Variants in ABLIM1 observed in about 807,000 individuals in gnomAD.
ABLIM1 encodes actin binding LIM protein 1.
In ABLIM1, 40 loss-of-function variants were observed where a neutral mutation model predicts 107.0. The observed-to-expected ratio is 0.37, with a 90% CI of 0.29 to 0.49. ABLIM1 has a LOEUF of 0.49. Ranked by LOEUF, ABLIM1 falls within the 20% of genes least tolerant of loss-of-function variation. The probability of loss-of-function intolerance (pLI) is 0.97; values close to 1 mark genes in which losing one functional copy is unlikely to be tolerated. For synonymous variants in ABLIM1, 357 were observed against 357.3 expected (o/e 1.00, Z 0.01); for missense variants, 857 against 1,008.5 (o/e 0.85, Z 2.04).
Position 114,521,453 on chromosome 10 carries a change from C to T in ABLIM1, c.894+23552G>A, listed in dbSNP as rs193283632. Among the ~76,000 whole-genome samples the T allele has an allele frequency of 1.1e-3, 167 of 152,288 alleles. 2 individuals are homozygous for T. The highest frequency in any genetic ancestry group is 2.6e-3 in the Admixed American group (40 of 15,302). On this transcript the variant is annotated intron_variant, in intron 6 of 22. Transcript: ENST00000533213. ...CCATAACCACCTTTATTACACATTCCTGTCCTCAAGAGCTTAGTATGCAGA... is the reference window on the plus strand; with the variant it reads ...CCATAACCACCTTTATTACACATTCTTGTCCTCAAGAGCTTAGTATGCAGA...
rs117272659 is a variant in ABLIM1, at chr10:114,701,382, C to A, written c.-213+66679G>T. Among the ~76,000 whole-genome samples the A allele has an allele frequency of 3.4e-4, 52 of 152,120 alleles. No homozygotes were observed. The East Asian group carries it at 8.3e-3, about 24-fold the overall frequency. ...AATTTTTCTTATTATAAATATACACCTACCCTCCGACCTAGCAATTCCACA... is the reference window on the plus strand; with the variant it reads ...AATTTTTCTTATTATAAATATACACATACCCTCCGACCTAGCAATTCCACA... On this transcript the variant is annotated intron_variant, in intron 1 of 15. Coordinates refer to the ABLIM1 transcript ENST00000651092.
intron 8 of ABLIM1, among the ~76,000 whole-genome samples, chr10:114,483,540 G>A (rs750998583): frequency 5.3e-5 from 8 of 152,240 alleles, no homozygotes; most frequent in Non-Finnish European, 8.8e-5. Context: ...GCCTCCCGAC[G>A]TGCTGGGATT....
chr10:114,766,648 G>A (rs1000351369), intron 1 of ABLIM1, among the ~76,000 whole-genome samples: 14 of 152,252 alleles, frequency 9.2e-5, no homozygotes, highest in Middle Eastern at 3.4e-3. Flanking sequence ...ACAGGTTTGG[G>A]TGCTGTAAAG....
In ABLIM1 at chr10:114,734,151, C is replaced by T. The variant is rs368053052; in HGVS notation, c.-213+33910G>A. On this transcript the variant is annotated intron_variant, in intron 1 of 15. Transcript: ENST00000651092. The stretch of plus-strand genomic sequence containing the variant: ...CTGGGATTATAGGCATGAACCATCA[C>T]GCTTGGCCATGACCTTGCAACTTTA... 8.3e-4 allele frequency among the ~76,000 whole-genome samples: 127 copies of T among 152,188 alleles called. 3 individuals are homozygous for T. In the South Asian group the frequency reaches 0.02, roughly 24 times the overall value.
intron 6 of ABLIM1, among the ~76,000 whole-genome samples, chr10:114,518,459 T>C (rs762503972): frequency 1.3e-5 from 2 of 151,456 alleles, no homozygotes; most frequent in Non-Finnish European, 2.9e-5. Flanking sequence ...TCAAGGCTGG[T>C]ATGGGCTAAA....
chr10:114,631,328 G>T (rs2078160152), intron 1 of ABLIM1, among the ~76,000 whole-genome samples: 1 of 152,204 alleles, frequency 6.6e-6, no homozygotes, highest in African/African-American at 2.4e-5. Flanking sequence ...ATATGATGTG[G>T]TTTCCTTAGC....
intron 12 of ABLIM1, among the ~76,000 whole-genome samples, chr10:114,459,827 C>T (rs534176870): frequency 3.3e-5 from 5 of 152,286 alleles, no homozygotes; most frequent in Admixed American, 6.5e-5. Context: ...TTGGATAATG[C>T]TTTTTATCAT....
At position 114,433,381 on chromosome 10, in the gene ABLIM1, C is replaced by T. The variant is rs962936824; in HGVS notation, c.*2879G>A. On this transcript the variant is annotated 3_prime_UTR_variant, in exon 23 of 23. Coordinates refer to ENST00000533213, the MANE Select transcript of ABLIM1 (RefSeq NM_002313.7). The stretch of plus-strand genomic sequence containing the variant: ...AGTTAGCAGGAACCAGGTTGCCCCA[C>T]AACCCATCCCTCCAGCTGGAGCCTT... 1 of 152,220 alleles carries T rather than the reference C, an allele frequency of 6.6e-6. No individual in the cohort carries two copies. The highest frequency in any genetic ancestry group is 1.5e-5 in the Non-Finnish European group (1 of 68,044). The allele number at this position is 152,220 out of a possible 1,614,324, so 9.4% of individuals were successfully genotyped here. A position where few individuals can be genotyped will look rare whatever the true frequency, so the allele number is the denominator to read the frequency against.
At position 114,656,445 on chromosome 10, in the gene ABLIM1, C is replaced by T. The variant is rs538569819; in HGVS notation, c.244+1512G>A. ...GTTATTATATGACCCAGAAATTCCACACCTAGGTATACACCCAAGAGCCCT... is the reference window on the plus strand; with the variant it reads ...GTTATTATATGACCCAGAAATTCCATACCTAGGTATACACCCAAGAGCCCT... On this transcript the variant is annotated intron_variant, in intron 1 of 22. Coordinates refer to ENST00000533213, the MANE Select transcript of ABLIM1 (RefSeq NM_002313.7). 2.1e-3 allele frequency among the ~76,000 whole-genome samples: 315 copies of T among 152,160 alleles called. 6 individuals carry two copies. The highest frequency in any genetic ancestry group is 2.7e-3 in the Non-Finnish European group (187 of 68,018).
At chr10:114,517,921 G>C (rs916882037) in intron 6 of ABLIM1, among the ~76,000 whole-genome samples, 5 of 152,050 alleles carry the variant, frequency 3.3e-5, no homozygotes, top group African/African-American at 1.2e-4. Context: ...GACCATGTGA[G>C]ACGAACAAGA....
At chr10:114,747,097 A>C (rs753702304) in intron 1 of ABLIM1, among the ~76,000 whole-genome samples, 17 of 152,232 alleles carry the variant, frequency 1.1e-4, no homozygotes, top group Non-Finnish European at 2.2e-4. Flanking sequence ...TCTTCATAGC[A>C]TATCAAATGA....
intron 8 of ABLIM1, among the ~76,000 whole-genome samples, chr10:114,487,327 T>C (rs922953019): frequency 1.3e-5 from 2 of 152,212 alleles, no homozygotes; most frequent in Non-Finnish European, 2.9e-5. Flanking sequence ...AAATACTTCC[T>C]AGCCCGTGTG....
At chr10:114,777,926 G>C in the ABLIM1 span, 1 of 152,210 alleles carries the variant, frequency 6.6e-6, no homozygotes, top group South Asian at 2.1e-4. Context: ...CTATGATTTT[G>C]GTAACTTATC....
intron 8 of ABLIM1, among the ~76,000 whole-genome samples, chr10:114,477,224 A>G (rs986290980): frequency 1.5e-4 from 23 of 152,204 alleles, no homozygotes; most frequent in African/African-American, 5.5e-4. Context: ...ATGGGGTGAA[A>G]CTAAAAGAGA....
intron 4 of ABLIM1, among the ~76,000 whole-genome samples, chr10:114,566,743 T>G (rs145438273): frequency 6.8e-4 from 104 of 152,302 alleles, no homozygotes; most frequent in African/African-American, 2.4e-3. Flanking sequence ...TGTTTGCGTC[T>G]ATGAATAACT....
intron 8 of ABLIM1, among the ~76,000 whole-genome samples, chr10:114,487,591 G>A (rs1374447016): frequency 6.6e-6 from 1 of 152,214 alleles, no homozygotes; most frequent in Non-Finnish European, 1.5e-5. Context: ...GCTGGGGTCA[G>A]AGTAGTGCAT....
chr10:114,461,558 C>T lies in ABLIM1; in HGVS notation c.1441+4140G>A, dbSNP rs890059812. On this transcript the variant is annotated intron_variant, in intron 12 of 22. Coordinates refer to ENST00000533213, the MANE Select transcript of ABLIM1 (RefSeq NM_002313.7). ...TGTCGGCTGAGCATGATAGCTCACG[C>T]CTGTAATCCCAGCACGTTAGGAGGT... Among the ~76,000 whole-genome samples, 3 of 152,236 alleles carry T rather than the reference C, an allele frequency of 2.0e-5. No homozygotes were observed. In the South Asian group the frequency reaches 6.2e-4, roughly 32 times the overall value.
the ABLIM1 span, among the ~76,000 whole-genome samples, chr10:114,786,255 A>C: frequency 6.6e-6 from 1 of 152,228 alleles, no homozygotes; most frequent in Non-Finnish European, 1.5e-5. Flanking sequence ...ACATACAAAA[A>C]TCAATAGCTA....
intron 1 of ABLIM1, among the ~76,000 whole-genome samples, chr10:114,639,278 A>G (rs1275336191): frequency 6.6e-6 from 1 of 152,234 alleles, no homozygotes; most frequent in South Asian, 2.1e-4. Context: ...TACAGAGAAG[A>G]GACCATGCAA....
Sources: gnomAD v4.1 joint callset for allele counts (sites outside exome capture counted in the v4.1 genomes callset) on GRCh38, gnomAD v4.1.1 for gene constraint, MANE v1.5 for transcripts, NCBI Gene and HGNC (gene_info 2026-07-23, HGNC 2026-07-21) for gene names.